Variants in ADNP observed in about 807,000 individuals in gnomAD.
The protein encoded by ADNP is activity dependent neuroprotector homeobox, also known as activity-dependent neuroprotector homeobox protein.
ADNP carries 4 observed loss-of-function variants against 84.9 expected under a neutral mutation model. The ratio of observed to expected loss-of-function variants is 0.05; its 90% CI spans 0.02 to 0.11. The LOEUF (loss-of-function observed/expected upper bound fraction) is 0.11, where lower values mean the gene tolerates loss of function less well. ADNP is among the 10% of genes least tolerant of loss of function. The probability of loss-of-function intolerance (pLI) is 1.00; values close to 1 mark genes in which losing one functional copy is unlikely to be tolerated. For missense variants in ADNP, 1,132 were observed against 1,326.0 expected, an observed-to-expected ratio of 0.85 and a Z score of 2.27; for synonymous variants, 554 against 468.1, an observed-to-expected ratio of 1.18 and a Z score of -2.37.
rs1303718688 is a variant in ADNP at position 50,902,122 on chromosome 20, GA to G, written c.109-14del. 1.4e-5 allele frequency: 22 copies of G among 1,572,376 alleles called. No individual in the cohort carries two copies. Among genetic ancestry groups the G allele is most frequent in the Admixed American group, 1.7e-5 (1 of 59,722 alleles). On this transcript the variant is annotated splice_polypyrimidine_tract_variant and intron_variant, in intron 4 of 5. Transcript: ENST00000621696. The stretch of plus-strand genomic sequence containing the variant: ...ATTGTTTAAAATCCTAGAAAACAGT[GA>G]AATAAGTTTACAAAAACATAGTGGT...
intron 2 of ADNP, among the ~76,000 whole-genome samples, chr20:50,918,402 C>G (rs539161109): frequency 6.6e-6 from 1 of 152,204 alleles, no homozygotes; most frequent in East Asian, 1.9e-4. Flanking sequence ...AAGGTCTATA[C>G]AAATTTCCAG....
At chr20:50,926,568 A>T (rs1289645619) in intron 2 of ADNP, among the ~76,000 whole-genome samples, 1 of 152,192 alleles carries the variant, frequency 6.6e-6, no homozygotes, top group Non-Finnish European at 1.5e-5. Context: ...ATTGTCCCCA[A>T]ACTACATCTC....
chr20:50,893,587 C>T lies in ADNP; in HGVS notation c.1127G>A (p.Arg376Lys), dbSNP rs760486899. The change falls in exon 6 of 6, where the codon AGG becomes AAG. Residue 376 changes from arginine (R) to lysine (K), a missense_variant. Coordinates refer to ENST00000621696, the MANE Select transcript of ADNP (RefSeq NM_001282531.3). This position sits in a 1 kb window ranked among gnomAD's most constrained non-coding sequence, Gnocchi z 4.4. The part of the protein sequence containing the change: ...VKQLLPSGNG[R>K]SYGLGSEQRS... ...CTGCTCTGACCCAAGCCCATAAGAC[C>T]TTCCGTTTCCACTTGGAAGTAACTG... 6.8e-6 allele frequency: 11 copies of T among 1,614,042 alleles called. No individual in the cohort carries two copies. In the Admixed American group the frequency reaches 1.8e-4, roughly 27 times the overall value.
chr20:50,913,670 TA>T (rs1408531440), intron 2 of ADNP: 2 of 259,680 alleles, frequency 7.7e-6, no homozygotes, highest in African/African-American at 4.5e-5. Context: ...TGGAAACATT[TA>T]GTACCTGTTA....
Position 50,918,347 on chromosome 20 carries a change from G to A in ADNP, c.-90+10304C>T, listed in dbSNP as rs1983671205. Among the ~76,000 whole-genome samples, 14 of 152,178 alleles carry A rather than the reference G, an allele frequency of 9.2e-5. No homozygotes were observed. In the South Asian group the frequency reaches 2.9e-3, roughly 32 times the overall value. On this transcript the variant is annotated intron_variant, in intron 2 of 5. Coordinates refer to ENST00000621696, the MANE Select transcript of ADNP (RefSeq NM_001282531.3). Reference sequence around the variant, plus strand: ...GCATTTGTTAATATTACCCAGAAAAGGAGAGAACCTCTAGAACAAACCGTG... The same window carrying A: ...GCATTTGTTAATATTACCCAGAAAAAGAGAGAACCTCTAGAACAAACCGTG...
chr20:50,924,605 T>C (rs1209063303), intron 2 of ADNP, among the ~76,000 whole-genome samples: 1 of 152,196 alleles, frequency 6.6e-6, no homozygotes, highest in East Asian at 1.9e-4. Flanking sequence ...GAATAGTTTA[T>C]AAAGTGCTTG....
At chr20:50,911,307 C>T (rs886245628) in intron 2 of ADNP, among the ~76,000 whole-genome samples, 21 of 152,108 alleles carry the variant, frequency 1.4e-4, no homozygotes, top group Non-Finnish European at 2.4e-4. Flanking sequence ...ATGAGAGTTT[C>T]CCCCAGGTTT....
intron 2 of ADNP, among the ~76,000 whole-genome samples, chr20:50,913,557 G>C (rs1202260420): frequency 6.6e-6 from 1 of 152,108 alleles, no homozygotes; most frequent in Non-Finnish European, 1.5e-5. Flanking sequence ...TTTTCTAAGA[G>C]GGACAAGCAT....
In ADNP at chr20:50,910,827, T is replaced by TA. The variant is rs560781854; in HGVS notation, c.-89-5979dup. Reference sequence around the variant, plus strand: ...GCGCCACCACATTCAGCTAATTTTTTAAAAAAATTTAATAGGGGTCCTCCC... The same window carrying TA: ...GCGCCACCACATTCAGCTAATTTTTTAAAAAAAATTTAATAGGGGTCCTCCC... On this transcript the variant is annotated intron_variant, in intron 2 of 5. Transcript: ENST00000621696. Among the ~76,000 whole-genome samples the TA allele has an allele frequency of 3.9e-3, 593 of 152,088 alleles. 7 individuals are homozygous for TA. Among genetic ancestry groups the TA allele is most frequent in the African/African-American group, 0.013 (559 of 41,484 alleles).
At chr20:50,907,264 C>G (rs1255125730) in intron 2 of ADNP, among the ~76,000 whole-genome samples, 1 of 136,026 alleles carries the variant, frequency 7.4e-6, no homozygotes, top group Non-Finnish European at 1.6e-5. Flanking sequence ...AGCCACCGCG[C>G]CCGGCATTTT....
rs1369202959 is a variant in ADNP at position 50,889,999 on chromosome 20, A to AT, written c.*1405dup. Reference sequence around the variant, plus strand: ...ACAAAAAACCCATCAGGCTATTAAGATTCTGCTTGCAAATTAATGCCAATC... The same window carrying AT: ...ACAAAAAACCCATCAGGCTATTAAGATTTCTGCTTGCAAATTAATGCCAATC... On this transcript the variant is annotated 3_prime_UTR_variant, in exon 6 of 6. Transcript: ENST00000621696. The AT allele has an allele frequency of 2.3e-5, 9 of 395,646 alleles. No homozygotes were observed. The highest frequency in any genetic ancestry group is 3.5e-5 in the Non-Finnish European group (8 of 225,354). The allele number at this position is 395,646 out of a possible 1,614,324, so 24.5% of individuals were successfully genotyped here.
intron 5 of ADNP, among the ~76,000 whole-genome samples, chr20:50,898,917 G>C (rs945598865): frequency 2.6e-5 from 4 of 152,200 alleles, no homozygotes; most frequent in Non-Finnish European, 5.9e-5. Flanking sequence ...GTCATGTGCT[G>C]ATGTTTTCTG....
intron 4 of ADNP, among the ~76,000 whole-genome samples, chr20:50,903,036 G>A (rs1034142404): frequency 1.3e-4 from 20 of 152,204 alleles, no homozygotes; most frequent in African/African-American, 4.6e-4. Context: ...GAATGAATTT[G>A]CTTTTTTACT....
At chr20:50,903,147 C>T (rs1447873529) in intron 4 of ADNP, among the ~76,000 whole-genome samples, 2 of 152,124 alleles carry the variant, frequency 1.3e-5, no homozygotes, top group African/African-American at 4.8e-5. Context: ...GTTCCCTAGC[C>T]ACCTAGAACT....
intron 2 of ADNP, chr20:50,914,305 A>C: frequency 1.4e-6 from 1 of 694,638 alleles, no homozygotes; most frequent in South Asian, 1.6e-5. Context: ...TGTCCCAAGG[A>C]GCAATATTTA....
chr20:50,889,844 GCTCTT>G lies in ADNP; in HGVS notation c.*1556_*1560del. The stretch of plus-strand genomic sequence containing the variant: ...ATCTTTACAGCCCTGTCAGTGCTGT[GCTCTT>G]CAAAGCCTTTCCCTTAATAGCAAGA... On this transcript the variant is annotated 3_prime_UTR_variant, in exon 6 of 6. Transcript: ENST00000621696. 2.5e-6 allele frequency: 1 copy of G among 398,506 alleles called. No individual in the cohort carries two copies. Among genetic ancestry groups the G allele is most frequent in the Non-Finnish European group, 4.4e-6 (1 of 226,040 alleles). The allele number at this position is 398,506 out of a possible 1,614,324, so 24.7% of individuals were successfully genotyped here. A position where few individuals can be genotyped will look rare whatever the true frequency, so the allele number is the denominator to read the frequency against.
chr20:50,930,029 G>A lies in ADNP; in HGVS notation c.-265+797C>T, dbSNP rs562502957. On this transcript the variant is annotated intron_variant, in intron 1 of 5. Transcript: ENST00000621696. ...GCAATCGCGCCTTTTCCAGCAGACAGGGATCAAGGTTGGGGGGGAGGGGAA... is the reference window on the plus strand; with the variant it reads ...GCAATCGCGCCTTTTCCAGCAGACAAGGATCAAGGTTGGGGGGGAGGGGAA... Among the ~76,000 whole-genome samples, 9 of 152,194 alleles carry A rather than the reference G, an allele frequency of 5.9e-5. No individual in the cohort carries two copies. In the South Asian group the frequency reaches 1.7e-3, roughly 28 times the overall value.
chr20:50,930,623 G>T (rs1050436723), intron 1 of ADNP, among the ~76,000 whole-genome samples: 3 of 152,138 alleles, frequency 2.0e-5, no homozygotes, highest in Non-Finnish European at 2.9e-5. Flanking sequence ...CTCCGGAGCA[G>T]AGTCGGGTAG....
intron 5 of ADNP, among the ~76,000 whole-genome samples, chr20:50,901,218 A>G (rs1181229517): frequency 3.3e-5 from 5 of 150,712 alleles, no homozygotes; most frequent in African/African-American, 1.2e-4. Flanking sequence ...GTATTCAGCT[A>G]TGAGGCTTTC....
Sources: allele counts gnomAD v4.1 joint callset (sites outside exome capture counted in the v4.1 genomes callset), GRCh38; gene constraint gnomAD v4.1.1; non-coding constraint Gnocchi (gnomAD v3.1); transcripts MANE v1.5; gene names NCBI Gene and HGNC (gene_info 2026-07-23, HGNC 2026-07-21).